The following AFF1 variants were observed in gnomAD, a reference collection of about 807,000 sequenced individuals.
The protein encoded by AFF1 is ALF transcription elongation factor 1.
In AFF1, 48 loss-of-function variants were observed where a neutral mutation model predicts 121.7. The ratio of observed to expected loss-of-function variants is 0.39; its 90% CI spans 0.31 to 0.50. AFF1 has a LOEUF of 0.50. AFF1 is among the 20% of genes least tolerant of loss of function. AFF1 has a pLI of 0.76. For synonymous variants in AFF1, 613 were observed against 563.0 expected (o/e 1.09, Z -1.26); for missense variants, 1,523 against 1,511.7 (o/e 1.01, Z -0.12).
intron 12 of AFF1, among the ~76,000 whole-genome samples, chr4:87,117,152 A>G (rs767275251): frequency 5.9e-5 from 9 of 152,210 alleles, no homozygotes; most frequent in African/African-American, 1.4e-4. Flanking sequence ...GTGCAAATCT[A>G]GAAGTGCAGC....
intron 2 of AFF1, among the ~76,000 whole-genome samples, chr4:86,976,685 T>C (rs1307747015): frequency 6.6e-6 from 1 of 152,140 alleles, no homozygotes; most frequent in Non-Finnish European, 1.5e-5. Context: ...GACGAAATAA[T>C]CTGTGCACCA....
intron 1 of AFF1, among the ~76,000 whole-genome samples, chr4:86,939,186 T>G (rs1419926820): frequency 6.6e-6 from 1 of 152,248 alleles, no homozygotes; most frequent in Non-Finnish European, 1.5e-5. Context: ...TACCAACAGC[T>G]TTCACATGGC....
At chr4:87,036,182 AT>A (rs1328204000) in intron 2 of AFF1, among the ~76,000 whole-genome samples, 14 of 152,342 alleles carry the variant, frequency 9.2e-5, no homozygotes, top group Admixed American at 5.2e-4. Context: ...GACAGACTTT[AT>A]CTCAGGTTAA....
Position 87,140,091 on chromosome 4 carries a change from G to T in AFF1, c.*4390G>T, listed in dbSNP as rs1446151972. On this transcript the variant is annotated 3_prime_UTR_variant, in exon 21 of 21. Coordinates refer to ENST00000395146, the MANE Select transcript of AFF1 (RefSeq NM_001166693.3). ...GGAGGGAAACCCTACAGCTCCTTGT[G>T]AGCCTATATATTAGTATATCGGCCT... The T allele has an allele frequency of 9.8e-6, 2 of 205,002 alleles. No individual in the cohort carries two copies. Among genetic ancestry groups the T allele is most frequent in the African/African-American group, 4.6e-5 (2 of 43,716 alleles). The allele number at this position is 205,002 out of a possible 1,614,324, so 12.7% of individuals were successfully genotyped here.
At chr4:86,999,447 T>C (rs1342454295) in intron 2 of AFF1, among the ~76,000 whole-genome samples, 3 of 152,222 alleles carry the variant, frequency 2.0e-5, no homozygotes, top group Admixed American at 6.5e-5. Context: ...TCTCTCAGCA[T>C]CTGTTGTAAC....
chr4:86,975,747 A>G (rs1723255930), intron 2 of AFF1, among the ~76,000 whole-genome samples: 6 of 152,182 alleles, frequency 3.9e-5, no homozygotes, highest in Admixed American at 3.9e-4. Context: ...ACAGTGACAA[A>G]TAAAACACAG....
chr4:86,951,250 G>T (rs2149453845), intron 2 of AFF1, among the ~76,000 whole-genome samples: 2 of 152,170 alleles, frequency 1.3e-5, no homozygotes, highest in African/African-American at 4.8e-5. Flanking sequence ...GCCATCAAAT[G>T]CTTTTCAGGT....
Position 87,140,990 on chromosome 4 carries a change from G to T in AFF1, c.*5289G>T. ...TTTAAATTCTTTCCTTTTCATAAGA[G>T]GATCAAGCTGTAAAAAAACAAAAAA... On this transcript the variant is annotated 3_prime_UTR_variant, in exon 21 of 21. Coordinates refer to ENST00000395146, the MANE Select transcript of AFF1 (RefSeq NM_001166693.3). 5.6e-6 allele frequency: 1 copy of T among 179,514 alleles called. No homozygotes were observed. Among genetic ancestry groups the T allele is most frequent in the Non-Finnish European group, 1.2e-5 (1 of 83,556 alleles). The allele number at this position is 179,514 out of a possible 1,614,324, so 11.1% of individuals were successfully genotyped here. A position where few individuals can be genotyped will look rare whatever the true frequency, so the allele number is the denominator to read the frequency against.
chr4:87,096,624 C>A (rs1724896568), intron 8 of AFF1, among the ~76,000 whole-genome samples: 1 of 151,954 alleles, frequency 6.6e-6, no homozygotes, highest in East Asian at 1.9e-4. Context: ...AAATAGCACA[C>A]TGCAGCCTCA....
chr4:87,007,084 T>C, intron 2 of AFF1: 3 of 1,234,948 alleles, frequency 2.4e-6, no homozygotes, highest in Non-Finnish European at 3.0e-6. Flanking sequence ...CCCGCTGGCT[T>C]TCCCTTCTCA....
intron 2 of AFF1, among the ~76,000 whole-genome samples, chr4:87,000,635 G>T (rs1345576596): frequency 6.7e-6 from 1 of 149,126 alleles, no homozygotes; most frequent in African/African-American, 2.5e-5. Context: ...GTGTGTGTGT[G>T]TGTGTGGCAG....
intron 2 of AFF1, among the ~76,000 whole-genome samples, chr4:87,000,603 CTCTGTGTGTGTGTGTGTG>C (rs1406751240): frequency 7.8e-5 from 6 of 76,814 alleles, no homozygotes; most frequent in Admixed American, 4.2e-4. Flanking sequence ...AAAAAATAAA[CTCTGTGTGTGTGTGTGTG>C]TGTGTGTGTG....
intron 2 of AFF1, among the ~76,000 whole-genome samples, chr4:87,015,876 T>TA (rs1176214743): frequency 6.6e-6 from 1 of 152,226 alleles, no homozygotes; most frequent in Non-Finnish European, 1.5e-5. Flanking sequence ...TCCATGATCT[T>TA]AGAGTGTTTT....
chr4:86,982,515 T>G (rs1560516221), intron 2 of AFF1, among the ~76,000 whole-genome samples: 2 of 144,036 alleles, frequency 1.4e-5, no homozygotes, highest in African/African-American at 2.6e-5. Context: ...CCTTTGATGG[T>G]GATTAGGTCA....
intron 12 of AFF1, among the ~76,000 whole-genome samples, chr4:87,119,053 G>T (rs1362061326): frequency 6.6e-6 from 1 of 151,492 alleles, no homozygotes; most frequent in Non-Finnish European, 1.5e-5. Flanking sequence ...AAAAGGAGGG[G>T]TTATATCTTA....
At chr4:87,025,599 T>C (rs778717988) in intron 2 of AFF1, among the ~76,000 whole-genome samples, 3 of 152,200 alleles carry the variant, frequency 2.0e-5, no homozygotes, top group Non-Finnish European at 2.9e-5. Flanking sequence ...TACCCTTCCC[T>C]ATCCCGGGGA....
chr4:86,996,651 A>C (rs1370594535), intron 2 of AFF1, among the ~76,000 whole-genome samples: 1 of 151,846 alleles, frequency 6.6e-6, no homozygotes, highest in Non-Finnish European at 1.5e-5. Flanking sequence ...TTATCTGCTG[A>C]CCTTCCCTCC....
intron 4 of AFF1, among the ~76,000 whole-genome samples, chr4:87,054,307 G>A (rs1393078576): frequency 1.3e-5 from 2 of 152,186 alleles, no homozygotes; most frequent in African/African-American, 4.8e-5. Context: ...GAAGCCCCCC[G>A]ACATGTGGGT....
intron 2 of AFF1, among the ~76,000 whole-genome samples, chr4:87,012,154 T>C (rs1188991929): frequency 6.6e-6 from 1 of 152,034 alleles, no homozygotes; most frequent in Non-Finnish European, 1.5e-5. Flanking sequence ...GCTGGTTTGT[T>C]AACTGTTGCT....
Sources: gnomAD v4.1 joint callset for allele counts (sites outside exome capture counted in the v4.1 genomes callset) on GRCh38, gnomAD v4.1.1 for gene constraint, MANE v1.5 for transcripts, NCBI Gene and HGNC (gene_info 2026-07-23, HGNC 2026-07-21) for gene names.